Variants in CATSPERT observed in about 807,000 individuals in gnomAD.
CATSPERT encodes catsper channel auxiliary subunit tau, also known as cation channel sperm-associated targeting subunit tau.
chr2:201,595,513 G>T, the CATSPERT span, among the ~76,000 whole-genome samples: 2 of 152,068 alleles, frequency 1.3e-5, no homozygotes, highest in African/African-American at 4.8e-5. Context: ...TAACAGACAG[G>T]ACCCTCAGCT....
the CATSPERT span, chr2:201,545,618 T>C: frequency 5.8e-6 from 6 of 1,035,360 alleles, no homozygotes; most frequent in Non-Finnish European, 6.5e-6. Context: ...TCTATATTAG[T>C]TTCCTAGAAG....
the CATSPERT span, among the ~76,000 whole-genome samples, chr2:201,525,246 A>G: frequency 6.6e-6 from 1 of 152,230 alleles, no homozygotes; most frequent in South Asian, 2.1e-4. Context: ...AAAAAAAATT[A>G]TATCAACCAT....
chr2:201,567,544 T>C, the CATSPERT span, among the ~76,000 whole-genome samples: 1 of 152,112 alleles, frequency 6.6e-6, no homozygotes, highest in Non-Finnish European at 1.5e-5. Flanking sequence ...GGAGAGCCAA[T>C]AGTGTAGTTC....
chr2:201,535,149 C>A, the CATSPERT span: 4 of 983,522 alleles, frequency 4.1e-6, no homozygotes, highest in Non-Finnish European at 4.8e-6. Flanking sequence ...GAGAGTAATT[C>A]CCAGTTAAAA....
the CATSPERT span, chr2:201,487,969 A>G: frequency 7.6e-7 from 1 of 1,315,784 alleles, no homozygotes; most frequent in Non-Finnish European, 1.0e-6. Context: ...TAAATTTACA[A>G]GGACTTCTGA....
chr2:201,598,637 A>G, the CATSPERT span, among the ~76,000 whole-genome samples: 1 of 151,916 alleles, frequency 6.6e-6, no homozygotes, highest in African/African-American at 2.4e-5. Flanking sequence ...GCTGGAGTGC[A>G]GTAGTGCCAT....
At chr2:201,591,463 T>C in the CATSPERT span, among the ~76,000 whole-genome samples, 1 of 152,152 alleles carries the variant, frequency 6.6e-6, no homozygotes, top group Non-Finnish European at 1.5e-5. Context: ...GACTTGGCAA[T>C]GCGGGCTCTT....
At chr2:201,493,532 T>C in the CATSPERT span, 1 of 1,536,966 alleles carries the variant, frequency 6.5e-7, no homozygotes, top group Non-Finnish European at 8.7e-7. Flanking sequence ...TCTAAAAGTG[T>C]ATCTATAGGA....
chr2:201,605,593 A>G, the CATSPERT span, among the ~76,000 whole-genome samples: 1 of 152,220 alleles, frequency 6.6e-6, no homozygotes, highest in Admixed American at 6.5e-5. Context: ...GTACACTTAA[A>G]CTATGGCAAA....
chr2:201,492,096 CTT>C, the CATSPERT span: 2 of 1,526,512 alleles, frequency 1.3e-6, no homozygotes, highest in South Asian at 1.2e-5. Flanking sequence ...GAAAATATTT[CTT>C]TTCTTTCTCT....
the CATSPERT span, among the ~76,000 whole-genome samples, chr2:201,574,710 C>T: frequency 6.6e-6 from 1 of 152,044 alleles, no homozygotes. Flanking sequence ...TTCTCTGAAA[C>T]CCAGGTTGAT....
At chr2:201,594,064 T>C in the CATSPERT span, among the ~76,000 whole-genome samples, 1 of 152,196 alleles carries the variant, frequency 6.6e-6, no homozygotes, top group East Asian at 1.9e-4. Context: ...ATGCAGTTTC[T>C]TCCTAGCCTC....
chr2:201,539,729 C>T, the CATSPERT span, among the ~76,000 whole-genome samples: 2 of 151,882 alleles, frequency 1.3e-5, no homozygotes, highest in Admixed American at 1.3e-4. Flanking sequence ...CCTCTCTATT[C>T]CCAGAGACAC....
the CATSPERT span, chr2:201,554,379 C>G: frequency 6.6e-6 from 1 of 152,222 alleles, no homozygotes; most frequent in Non-Finnish European, 1.5e-5. Context: ...CTCAAATCTT[C>G]TCCAATGCTA....
chr2:201,531,506 G>T, the CATSPERT span, among the ~76,000 whole-genome samples: 2 of 152,118 alleles, frequency 1.3e-5, no homozygotes, highest in African/African-American at 2.4e-5. Flanking sequence ...AACATAATAT[G>T]ATACCAGGAA....
chr2:201,604,306 C>T, the CATSPERT span, among the ~76,000 whole-genome samples: 4 of 151,970 alleles, frequency 2.6e-5, no homozygotes, highest in Non-Finnish European at 5.9e-5. Context: ...ATTACTGATT[C>T]CCAGGCTCCT....
the CATSPERT span, among the ~76,000 whole-genome samples, chr2:201,565,108 G>GA: frequency 6.7e-5 from 10 of 149,396 alleles, no homozygotes; most frequent in South Asian, 4.2e-4. Context: ...AATACAGAAA[G>GA]AAAAAAAAAA....
the CATSPERT span, chr2:201,492,314 G>A: frequency 8.5e-6 from 13 of 1,535,784 alleles, no homozygotes; most frequent in Non-Finnish European, 9.6e-6. Context: ...CCTTCTAATT[G>A]CTTTTTTGTC....
At chr2:201,612,192 G>A in the CATSPERT span, among the ~76,000 whole-genome samples, 7 of 152,090 alleles carry the variant, frequency 4.6e-5, no homozygotes, top group Non-Finnish European at 4.4e-5. Flanking sequence ...TGAATAAAAC[G>A]AGACTCTAAC....
Sources: allele counts gnomAD v4.1 joint callset (sites outside exome capture counted in the v4.1 genomes callset), GRCh38; gene constraint gnomAD v4.1.1; transcripts MANE v1.5; gene names NCBI Gene and HGNC (gene_info 2026-07-23, HGNC 2026-07-21).